Variants in CDKL4 observed in about 807,000 individuals in gnomAD.
CDKL4 encodes the protein cyclin dependent kinase like 4, also known as cyclin-dependent kinase-like 4.
CDKL4 carries 44 observed loss-of-function variants against 42.0 expected under a neutral mutation model. The ratio of observed to expected loss-of-function variants is 1.05; its 90% CI spans 0.82 to 1.35. The LOEUF is 1.35. Ranked by LOEUF, CDKL4 falls within the 40% of genes most tolerant of loss-of-function variation. The probability of loss-of-function intolerance (pLI) is 0.00; values close to 1 mark genes in which losing one functional copy is unlikely to be tolerated. For missense variants in CDKL4, 393 were observed against 369.9 expected (o/e 1.06, Z -0.51); for synonymous variants, 120 against 121.6 (o/e 0.99, Z 0.09).
rs145982321 is a variant in CDKL4 at position 39,221,170 on chromosome 2, C to T, written c.290+4669G>A. ...CTGGGACTACAGGTGCCCGCCACCA[C>T]GCCTGGCTAATTTTTTTGTATTTTT... On this transcript the variant is annotated intron_variant, in intron 3 of 9. Transcript: ENST00000451199. 2.8e-4 allele frequency among the ~76,000 whole-genome samples: 43 copies of T among 151,392 alleles called. No individual in the cohort carries two copies. In the East Asian group the frequency reaches 7.4e-3, roughly 26 times the overall value.
intron 4 of CDKL4, among the ~76,000 whole-genome samples, chr2:39,205,677 G>A (rs971809040): frequency 2.0e-5 from 3 of 149,990 alleles, no homozygotes; most frequent in African/African-American, 4.9e-5. Context: ...GGAGAATGGC[G>A]GGAACCCGGG....
At chr2:39,193,128 TAAAA>T (rs747083150) in intron 5 of CDKL4, among the ~76,000 whole-genome samples, 2 of 83,494 alleles carry the variant, frequency 2.4e-5, no homozygotes, top group African/African-American at 9.2e-5. Context: ...ACTCCATCTC[TAAAA>T]AAAAAAAAAA....
intron 8 of CDKL4, among the ~76,000 whole-genome samples, chr2:39,183,486 C>T (rs1467511276): frequency 6.6e-6 from 1 of 152,188 alleles, no homozygotes. Context: ...CAGGGCTCTT[C>T]ATCTTTGGAG....
At position 39,240,247 on chromosome 2, in the gene CDKL4, T is replaced by TTAAAATAAAA. The variant is rs139821059; in HGVS notation, c.-57+3614_-57+3623dup. ...CAACATGGTGACACCCCGTCTCTAC[T>TTAAAATAAAA]TAAAATAAAATAAAATAAAATAAAA... On this transcript the variant is annotated intron_variant, in intron 1 of 9. Coordinates refer to ENST00000451199, the Ensembl canonical transcript of CDKL4. Among the ~76,000 whole-genome samples, 490 of 149,248 alleles carry TTAAAATAAAA rather than the reference T, an allele frequency of 3.3e-3. 6 individuals carry two copies. The highest frequency in any genetic ancestry group is 0.014 in the Middle Eastern group (4 of 290).
At chr2:39,226,745 T>C (rs1231183994) in intron 2 of CDKL4, among the ~76,000 whole-genome samples, 1 of 151,860 alleles carries the variant, frequency 6.6e-6, no homozygotes, top group Non-Finnish European at 1.5e-5. Context: ...CGTCTGTAAC[T>C]AGGGTGACCA....
downstream of CDKL4, among the ~76,000 whole-genome samples, chr2:39,170,981 T>C (rs1364436268): frequency 6.6e-6 from 1 of 152,104 alleles, no homozygotes; most frequent in Non-Finnish European, 1.5e-5. Flanking sequence ...CTCATTCCTG[T>C]AATCTCAGCA....
intron 1 of CDKL4, among the ~76,000 whole-genome samples, chr2:39,243,033 A>C (rs925449198): frequency 7.4e-6 from 1 of 134,970 alleles, no homozygotes; most frequent in African/African-American, 2.7e-5. Flanking sequence ...TGGGAGGTCA[A>C]GGTTGCTGAA....
Position 39,229,073 on chromosome 2 carries a change from C to T in CDKL4, c.168+292G>A, listed in dbSNP as rs78927824. 5.8e-3 allele frequency among the ~76,000 whole-genome samples: 883 copies of T among 151,808 alleles called. 11 individuals carry two copies. The highest frequency in any genetic ancestry group is 0.017 in the African/African-American group (705 of 41,370). ...TAGGGGAAGTATTTGGAGGGATATCCAGAGGAGGGCCAGGGTTGGGGGCGA... is the reference window on the plus strand; with the variant it reads ...TAGGGGAAGTATTTGGAGGGATATCTAGAGGAGGGCCAGGGTTGGGGGCGA... On this transcript the variant is annotated intron_variant, in intron 2 of 9. Coordinates refer to ENST00000451199, the Ensembl canonical transcript of CDKL4.
chr2:39,180,050 T>G (rs749632902), intron 8 of CDKL4, among the ~76,000 whole-genome samples: 3 of 152,096 alleles, frequency 2.0e-5, no homozygotes, highest in Non-Finnish European at 2.9e-5. Flanking sequence ...TGAGAAACAC[T>G]GATACTCCAG....
intron 5 of CDKL4, among the ~76,000 whole-genome samples, chr2:39,195,598 G>A (rs188191917): frequency 1.3e-5 from 2 of 149,882 alleles, no homozygotes; most frequent in East Asian, 1.9e-4. Flanking sequence ...TTGGCCATTC[G>A]TATAGCTTCT....
At chr2:39,184,916 G>A (rs755311859) in intron 7 of CDKL4, among the ~76,000 whole-genome samples, 8 of 151,490 alleles carry the variant, frequency 5.3e-5, no homozygotes, top group Non-Finnish European at 7.4e-5. Context: ...TTATTTTTCT[G>A]TAGAGATGGG....
intron 3 of CDKL4, among the ~76,000 whole-genome samples, chr2:39,219,151 C>T (rs1347185284): frequency 6.6e-6 from 1 of 152,200 alleles, no homozygotes; most frequent in Non-Finnish European, 1.5e-5. Context: ...AAGCTTGTTT[C>T]TCTGGCACTC....
At chr2:39,231,837 A>G (rs1679106201) in intron 1 of CDKL4, among the ~76,000 whole-genome samples, 1 of 152,190 alleles carries the variant, frequency 6.6e-6, no homozygotes. Flanking sequence ...AGATCACTTG[A>G]GCCCAGGAGT....
At chr2:39,175,239 GT>G (rs1184101223), downstream of CDKL4, among the ~76,000 whole-genome samples, 1 of 152,150 alleles carries the variant, frequency 6.6e-6, no homozygotes, top group Non-Finnish European at 1.5e-5. Flanking sequence ...ATCGGCTTGG[GT>G]CATGAGATGA....
intron 4 of CDKL4, among the ~76,000 whole-genome samples, chr2:39,207,121 G>T (rs761275336): frequency 5.3e-5 from 8 of 152,138 alleles, no homozygotes; most frequent in Non-Finnish European, 1.2e-4. Context: ...CATGGTCGCT[G>T]ATGCCTGTAA....
At chr2:39,195,376 C>T (rs1372054842) in intron 5 of CDKL4, among the ~76,000 whole-genome samples, 1 of 152,140 alleles carries the variant, frequency 6.6e-6, no homozygotes, top group African/African-American at 2.4e-5. Context: ...TGAAGAGCTG[C>T]CATACTGCTT....
intron 3 of CDKL4, among the ~76,000 whole-genome samples, chr2:39,222,458 C>T (rs775761339): frequency 5.3e-5 from 8 of 151,922 alleles, no homozygotes; most frequent in African/African-American, 1.2e-4. Flanking sequence ...GGCATGGTAG[C>T]GGGTCCCTGT....
At chr2:39,239,561 A>G (rs1487925571) in intron 1 of CDKL4, among the ~76,000 whole-genome samples, 1 of 152,240 alleles carries the variant, frequency 6.6e-6, no homozygotes, top group East Asian at 1.9e-4. Context: ...GTGAATAGAC[A>G]TTTTACCAAA....
exon 10 of CDKL4, chr2:39,175,803 G>A (rs58099071): frequency 1.0e-5 from 3 of 293,814 alleles, no homozygotes; most frequent in Non-Finnish European, 2.0e-5. Flanking sequence ...AACATTTAAA[G>A]AAAATATTCT....
Sources: allele counts gnomAD v4.1 joint callset (sites outside exome capture counted in the v4.1 genomes callset), GRCh38; gene constraint gnomAD v4.1.1; transcripts MANE v1.5; gene names NCBI Gene and HGNC (gene_info 2026-07-23, HGNC 2026-07-21).